The following NRDC variants were observed in gnomAD, a reference collection of about 807,000 sequenced individuals.
NRDC encodes the protein nardilysin convertase.
Under a neutral mutation model 147.1 loss-of-function variants are expected in NRDC, and 54 were observed. The observed-to-expected ratio is 0.37, with a 90% CI of 0.29 to 0.46. NRDC has a LOEUF of 0.46. Among genes scored for constraint, NRDC ranks in the 20% least tolerant of loss-of-function variants. NRDC has a pLI of 1.00. For missense variants in NRDC, 1,082 were observed against 1,370.6 expected, an observed-to-expected ratio of 0.79 and a Z score of 3.33; for synonymous variants, 440 against 482.1, an observed-to-expected ratio of 0.91 and a Z score of 1.14.
intron 1 of NRDC, among the ~76,000 whole-genome samples, chr1:51,847,527 G>A (rs1045384069): frequency 1.3e-5 from 2 of 152,238 alleles, no homozygotes; most frequent in African/African-American, 4.8e-5. Flanking sequence ...TGCCCTGCGG[G>A]GAGTCAGCTA....
chr1:51,830,279 T>A (rs1287746808), intron 4 of NRDC, among the ~76,000 whole-genome samples: 2 of 152,150 alleles, frequency 1.3e-5, no homozygotes, highest in African/African-American at 4.8e-5. Context: ...TCTTAAAAAA[T>A]AGAAAGTATA....
intron 16 of NRDC, among the ~76,000 whole-genome samples, chr1:51,809,905 C>CAAAAAAAAAAAAAAAAAAAAAA (rs1342175582): frequency 7.5e-6 from 1 of 133,014 alleles, no homozygotes. Flanking sequence ...AACTCTGTCT[C>CAAAAAAAAAAAAAAAAAAAAAA]AAAAAAAAAA....
In NRDC at chr1:51,798,357, G is replaced by A. The variant is rs746325797; in HGVS notation, c.2496C>T (p.Tyr832=). Residue 832 remains tyrosine (Y), a synonymous_variant, in exon 22 of 31, where the codon TAC becomes TAT. Coordinates refer to ENST00000352171, the MANE Select transcript of NRDC (RefSeq NM_001101662.2). ...EYARWSMIDK[Y]QALMDGLSLE... ...GGGAAAGGCCGTCCATCAAAGCCTGGTACTTGTCAATCATAGACCAACGGG... is the reference window on the plus strand; with the variant it reads ...GGGAAAGGCCGTCCATCAAAGCCTGATACTTGTCAATCATAGACCAACGGG... 6.2e-7 allele frequency: 1 copy of A among 1,613,890 alleles called. No individual in the cohort carries two copies. The highest frequency in any genetic ancestry group is 8.5e-7 in the Non-Finnish European group (1 of 1,179,890).
chr1:51,796,393 C>T (rs1450217104), intron 22 of NRDC, among the ~76,000 whole-genome samples: 1 of 151,838 alleles, frequency 6.6e-6, no homozygotes, highest in Non-Finnish European at 1.5e-5. Context: ...ATGCCCACCA[C>T]CACACCTGGC....
At chr1:51,827,322 A>G (rs979738639) in intron 5 of NRDC, among the ~76,000 whole-genome samples, 5 of 152,226 alleles carry the variant, frequency 3.3e-5, no homozygotes, top group Admixed American at 6.5e-5. Context: ...AGAGACTTGC[A>G]GTGGCTATAA....
At chr1:51,871,111 G>A (rs1338089134) in intron 1 of NRDC, among the ~76,000 whole-genome samples, 1 of 152,086 alleles carries the variant, frequency 6.6e-6, no homozygotes, top group Non-Finnish European at 1.5e-5. Flanking sequence ...GAGGTCAGGA[G>A]TTCAAAACCA....
At chr1:51,870,189 A>G (rs1683015148) in intron 1 of NRDC, among the ~76,000 whole-genome samples, 1 of 152,258 alleles carries the variant, frequency 6.6e-6, no homozygotes, top group Non-Finnish European at 1.5e-5. Flanking sequence ...ACCTTGAGTG[A>G]ATAAAACAGA....
rs1678434322 is a variant in NRDC at position 51,789,264 on chromosome 1, A to C, written c.3428T>G (p.Leu1143Arg). The C allele has an allele frequency of 1.2e-6, 2 of 1,614,036 alleles. No homozygotes were observed. Among genetic ancestry groups the C allele is most frequent in the African/African-American group, 1.3e-5 (1 of 74,926 alleles). ...DIRAFTTTLN[L>R]LPYHKIVK ...TTTGACTATTTTATGGTAGGGGAGAAGGTTGAGTGTTGTTGTGAAAGCCCT... is the reference window on the plus strand; with the variant it reads ...TTTGACTATTTTATGGTAGGGGAGACGGTTGAGTGTTGTTGTGAAAGCCCT... Residue 1143 changes from leucine (L) to arginine (R), a missense_variant, in exon 31 of 31, where the codon CTT (leucine) becomes CGT (arginine). Leu to Arg is a moderately radical substitution (Grantham distance 102, BLOSUM62 -2). Transcript: ENST00000352171.
At chr1:51,868,850 G>A (rs1212885497) in intron 1 of NRDC, among the ~76,000 whole-genome samples, 1 of 152,200 alleles carries the variant, frequency 6.6e-6, no homozygotes, top group South Asian at 2.1e-4. Flanking sequence ...TGCATCCTGA[G>A]AGGGAGTGAG....
chr1:51,827,962 T>A (rs1402295089), intron 4 of NRDC, 93 bp from the exon 5 acceptor site: 10 of 939,412 alleles, frequency 1.1e-5, no homozygotes, highest in Non-Finnish European at 1.7e-5. Context: ...AAGTTGGAGA[T>A]TTAATTCACA....
intron 27 of NRDC, among the ~76,000 whole-genome samples, chr1:51,791,223 T>C (rs142998659): frequency 6.6e-6 from 1 of 152,248 alleles, no homozygotes; most frequent in East Asian, 1.9e-4. Context: ...ATCCTCATAA[T>C]GAAGCAGTCA....
rs539063235 is a variant in NRDC at position 51,863,548 on chromosome 1, C to A, written c.341+14727G>T. ...AAGTAATGGCAAGCTACGTCATATA[C>A]TTCCTGTGCTATAAAAAGTTAAAAC... On this transcript the variant is annotated intron_variant, in intron 1 of 30. Coordinates refer to ENST00000352171, the MANE Select transcript of NRDC (RefSeq NM_001101662.2). Among the ~76,000 whole-genome samples the A allele has an allele frequency of 4.6e-5, 7 of 152,296 alleles. No individual in the cohort carries two copies. The South Asian group carries it at 1.5e-3, about 32-fold the overall frequency.
chr1:51,834,158 C>T lies in NRDC; in HGVS notation c.725G>A (p.Gly242Asp). 6.2e-7 allele frequency: 1 copy of T among 1,613,806 alleles called. No individual in the cohort carries two copies. Among genetic ancestry groups the T allele is most frequent in the Admixed American group, 1.7e-5 (1 of 59,994 alleles). The change falls in exon 4 of 31, where the codon GGT (glycine) becomes GAT (aspartate). Residue 242 changes from glycine (G) to aspartate (D), a missense_variant. Gly to Asp is a moderately conservative substitution (Grantham distance 94). Transcript: ENST00000352171. ...AHFLEHMVFM[G>D]SLKYPDENGF... The stretch of plus-strand genomic sequence containing the variant: ...ATTCTCATCTGGATATTTCAAACTA[C>T]CCATGAATACCACTAAATGGAAAGA...
At chr1:51,845,899 A>G (rs1208111148) in intron 1 of NRDC, among the ~76,000 whole-genome samples, 2 of 152,170 alleles carry the variant, frequency 1.3e-5, no homozygotes, top group Non-Finnish European at 2.9e-5. Context: ...GACCTGATAC[A>G]TAGTAGGTAC....
intron 1 of NRDC, among the ~76,000 whole-genome samples, chr1:51,877,591 G>A (rs546814500): frequency 2.6e-5 from 4 of 152,022 alleles, no homozygotes; most frequent in Admixed American, 6.6e-5. Context: ...ACTCAGGTGG[G>A]GACTGAATCA....
At chr1:51,852,544 T>TA (rs1170951539) in intron 1 of NRDC, among the ~76,000 whole-genome samples, 2 of 12 alleles carry the variant, frequency 0.17, no homozygotes, top group East Asian at 0.5. Context: ...ATAGTTTATA[T>TA]ATATAGTTTT....
At chr1:51,869,097 A>G (rs1344073708) in intron 1 of NRDC, among the ~76,000 whole-genome samples, 1 of 151,820 alleles carries the variant, frequency 6.6e-6, no homozygotes, top group Non-Finnish European at 1.5e-5. Context: ...TTGGTGGTGC[A>G]CACCACCAAG....
intron 1 of NRDC, among the ~76,000 whole-genome samples, chr1:51,876,790 G>A (rs1439669723): frequency 6.6e-6 from 1 of 152,240 alleles, no homozygotes; most frequent in Non-Finnish European, 1.5e-5. Flanking sequence ...AAGTGGAAAA[G>A]ATTATCTATA....
chr1:51,804,063 G>A (rs892702553), intron 19 of NRDC, 99 bp from the exon 20 acceptor site: 15 of 1,035,982 alleles, frequency 1.4e-5, no homozygotes, highest in Admixed American at 5.9e-5. Flanking sequence ...TTTTTAGAAA[G>A]TATAAATTCT....
Sources: allele counts gnomAD v4.1 joint callset (sites outside exome capture counted in the v4.1 genomes callset), GRCh38; gene constraint gnomAD v4.1.1; transcripts MANE v1.5; gene names NCBI Gene and HGNC (gene_info 2026-07-23, HGNC 2026-07-21).